The following PDE4D variants were observed in gnomAD, a reference collection of about 807,000 sequenced individuals.
PDE4D encodes phosphodiesterase 4D.
PDE4D carries 24 observed loss-of-function variants against 87.4 expected under a neutral mutation model. The observed-to-expected ratio is 0.27, with a 90% confidence interval of 0.20 to 0.39. PDE4D has a LOEUF of 0.39. Ranked by LOEUF, PDE4D falls within the 10% of genes least tolerant of loss-of-function variation. PDE4D has a pLI of 1.00. For missense variants in PDE4D, 714 were observed against 1,041.0 expected (o/e 0.69, Z 4.32); for synonymous variants, 384 against 383.2 (o/e 1.00, Z -0.02).
intron 1 of PDE4D, among the ~76,000 whole-genome samples, chr5:59,858,825 C>G (rs1745835848): frequency 6.6e-6 from 1 of 151,998 alleles, no homozygotes; most frequent in Non-Finnish European, 1.5e-5. Flanking sequence ...AAAATGGGTA[C>G]CAGTCTCAAG....
chr5:59,102,084 T>G (rs1233638769), intron 5 of PDE4D, among the ~76,000 whole-genome samples: 1 of 144,534 alleles, frequency 6.9e-6, no homozygotes, highest in East Asian at 2.0e-4. Context: ...TTCCCTACTT[T>G]TTTTTTTTTT....
chr5:59,907,347 A>T (rs1358396643), intron 3 of PDE4D, among the ~76,000 whole-genome samples: 1 of 152,116 alleles, frequency 6.6e-6, no homozygotes, highest in Non-Finnish European at 1.5e-5. Flanking sequence ...CCATTTAGTA[A>T]ATGTTCTCAT....
chr5:59,022,117 C>T (rs908105405), intron 6 of PDE4D, among the ~76,000 whole-genome samples: 9 of 152,212 alleles, frequency 5.9e-5, no homozygotes, highest in South Asian at 2.1e-4. Context: ...AGCTCTACCC[C>T]TCCCTCCATT....
intron 1 of PDE4D, among the ~76,000 whole-genome samples, chr5:60,426,641 T>G (rs1185974655): frequency 1.3e-5 from 2 of 152,078 alleles, no homozygotes; most frequent in East Asian, 3.9e-4. Context: ...GTAACAAACC[T>G]GCACGCTGTG....
chr5:59,886,498 T>C (rs1750182235), intron 1 of PDE4D, among the ~76,000 whole-genome samples: 1 of 150,518 alleles, frequency 6.6e-6, no homozygotes. Flanking sequence ...GCTCGGACGA[T>C]AAATAAAAAT....
At chr5:59,420,937 G>A (rs1794390199) in intron 1 of PDE4D, among the ~76,000 whole-genome samples, 1 of 152,072 alleles carries the variant, frequency 6.6e-6, no homozygotes, top group Non-Finnish European at 1.5e-5. Flanking sequence ...CTATCATAAG[G>A]GTGAGTTAAA....
At position 59,172,046 on chromosome 5, in the gene PDE4D, AAT is replaced by A. The variant is rs1216321157; in HGVS notation, c.808+8547_808+8548del. Among the ~76,000 whole-genome samples, 15 of 2,916 alleles carry A rather than the reference AAT, an allele frequency of 5.1e-3. 1 individual carries two copies. The highest frequency in any genetic ancestry group is 8.4e-3 in the South Asian group (2 of 238). The allele number at this position is 2,916 out of a possible 152,430, so 1.9% of individuals were successfully genotyped here. A position where few individuals can be genotyped will look rare whatever the true frequency, so the allele number is the denominator to read the frequency against. On this transcript the variant is annotated intron_variant, in intron 5 of 14. Transcript: ENST00000340635. ...TATAATAAATATATATTATATATAT[AAT>A]ATATATATATTATATATATAATAAA...
chr5:60,111,318 A>G (rs1454604123), intron 2 of PDE4D, among the ~76,000 whole-genome samples: 3 of 152,020 alleles, frequency 2.0e-5, no homozygotes, highest in Admixed American at 1.3e-4. Flanking sequence ...GAAAAAACCT[A>G]TCTGACCAGG....
intron 1 of PDE4D, among the ~76,000 whole-genome samples, chr5:60,514,734 A>T (rs867090716): frequency 6.6e-6 from 1 of 152,032 alleles, no homozygotes; most frequent in Non-Finnish European, 1.5e-5. Context: ...CCACAAAAAA[A>T]ATAACTCAAT....
chr5:59,574,349 A>G (rs1309064774), intron 1 of PDE4D, among the ~76,000 whole-genome samples: 2 of 150,960 alleles, frequency 1.3e-5, no homozygotes, highest in Non-Finnish European at 2.9e-5. Context: ...TGCACATATA[A>G]CTTTGTTGGT....
At chr5:60,179,655 C>T (rs1263141927) in intron 2 of PDE4D, among the ~76,000 whole-genome samples, 2 of 152,094 alleles carry the variant, frequency 1.3e-5, no homozygotes, top group Admixed American at 6.6e-5. Context: ...AAAGCCAGAA[C>T]TATAACTCAG....
rs566895058 is a variant in PDE4D, at chr5:59,831,540, T to C, written c.455+61628A>G. ...CTGTAATCACTGCACCAATCTGATG[T>C]AGTGGTAGACTCATAAACATTACAA... is the stretch of plus-strand genomic sequence containing the variant. On this transcript the variant is annotated intron_variant, in intron 1 of 14. Coordinates refer to ENST00000340635, the MANE Select transcript of PDE4D (RefSeq NM_001104631.2). Among the ~76,000 whole-genome samples, 60 of 152,164 alleles carry C rather than the reference T, an allele frequency of 3.9e-4. 1 individual carries two copies. The Middle Eastern group carries it at 0.01, about 26-fold the overall frequency.
intron 1 of PDE4D, among the ~76,000 whole-genome samples, chr5:59,402,519 GA>G (rs1790842293): frequency 6.6e-6 from 1 of 152,060 alleles, no homozygotes; most frequent in Non-Finnish European, 1.5e-5. Context: ...TACAGTTAGT[GA>G]CCATGTTAAA....
At chr5:59,382,994 C>T (rs974433717) in intron 1 of PDE4D, among the ~76,000 whole-genome samples, 5 of 152,186 alleles carry the variant, frequency 3.3e-5, no homozygotes, top group African/African-American at 1.2e-4. Context: ...AACATAAATG[C>T]TTAGTGCGGT....
intron 1 of PDE4D, among the ~76,000 whole-genome samples, chr5:59,254,308 C>G (rs1000603983): frequency 2.0e-5 from 3 of 152,088 alleles, no homozygotes; most frequent in African/African-American, 7.2e-5. Context: ...GATGTCTACC[C>G]TAGTTTTCCC....
At chr5:59,290,426 A>C (rs977476795) in intron 1 of PDE4D, among the ~76,000 whole-genome samples, 1 of 152,126 alleles carries the variant, frequency 6.6e-6, no homozygotes, top group Non-Finnish European at 1.5e-5. Flanking sequence ...AAATCAAGTC[A>C]AAATGGATGA....
chr5:59,826,647 CA>C (rs1206625059), intron 1 of PDE4D, among the ~76,000 whole-genome samples: 1 of 152,036 alleles, frequency 6.6e-6, no homozygotes, highest in Non-Finnish European at 1.5e-5. Context: ...ACACAAAAGC[CA>C]AGTGTTTTGG....
chr5:59,457,693 C>T (rs1800138694), intron 1 of PDE4D, among the ~76,000 whole-genome samples: 1 of 151,990 alleles, frequency 6.6e-6, no homozygotes, highest in African/African-American at 2.4e-5. Context: ...AAGCTCAAGA[C>T]CAGCCTGGCC....
At chr5:59,508,263 C>T (rs963763732) in intron 1 of PDE4D, among the ~76,000 whole-genome samples, 2 of 152,116 alleles carry the variant, frequency 1.3e-5, no homozygotes, top group Non-Finnish European at 2.9e-5. Flanking sequence ...AGGCATGCTA[C>T]AATCTTTCAT....
Sources: allele counts gnomAD v4.1 joint callset (sites outside exome capture counted in the v4.1 genomes callset), GRCh38; gene constraint gnomAD v4.1.1; transcripts MANE v1.5; gene names NCBI Gene and HGNC (gene_info 2026-07-23, HGNC 2026-07-21).